SGCZ: variants seen among roughly 807,000 people sequenced by gnomAD.
SGCZ encodes the protein sarcoglycan zeta, also known as zeta-sarcoglycan.
A neutral mutation model predicts 41.3 loss-of-function variants in SGCZ; 40 were observed. The ratio of observed to expected loss-of-function variants is 0.97; its 90% confidence interval spans 0.75 to 1.26. SGCZ has a LOEUF of 1.26. Among genes scored for constraint, SGCZ ranks in the 50% most tolerant of loss-of-function variants. The pLI, the probability that SGCZ is intolerant of heterozygous loss-of-function variation, is 0.00. For missense variants in SGCZ, 552 were observed against 369.8 expected (o/e 1.49, Z -4.04); for synonymous variants, 206 against 137.5 (o/e 1.50, Z -3.49).
intron 1 of SGCZ, among the ~76,000 whole-genome samples, chr8:15,152,304 A>C (rs9643996): frequency 6.6e-6 from 1 of 152,090 alleles, no homozygotes; most frequent in Non-Finnish European, 1.5e-5. Context: ...AAAAATATGT[A>C]AAAACAAGGA....
At chr8:14,702,232 T>C (rs1490610752) in intron 1 of SGCZ, among the ~76,000 whole-genome samples, 1 of 152,008 alleles carries the variant, frequency 6.6e-6, no homozygotes, top group African/African-American at 2.4e-5. Flanking sequence ...GATTTCCACT[T>C]GGAAATCTCT....
intron 1 of SGCZ, among the ~76,000 whole-genome samples, chr8:14,880,641 A>C (rs1349069812): frequency 6.6e-6 from 1 of 152,184 alleles, no homozygotes; most frequent in Admixed American, 6.5e-5. Context: ...CGATGAGTTC[A>C]TGTCGATTGT....
intron 1 of SGCZ, among the ~76,000 whole-genome samples, chr8:15,189,507 G>A (rs981872865): frequency 2.0e-5 from 3 of 151,912 alleles, no homozygotes; most frequent in Non-Finnish European, 2.9e-5. Context: ...TTCTCATCAC[G>A]CTCAAGGGAC....
intron 3 of SGCZ, chr8:14,309,230 G>T (rs1163376943): frequency 2.0e-6 from 3 of 1,514,420 alleles, no homozygotes; most frequent in Non-Finnish European, 2.7e-6. Flanking sequence ...TACTGTTGAA[G>T]ACTTCTGGGC....
At chr8:15,087,293 A>G (rs892393616) in intron 1 of SGCZ, among the ~76,000 whole-genome samples, 7 of 152,180 alleles carry the variant, frequency 4.6e-5, no homozygotes, top group East Asian at 1.9e-4. Context: ...GAACATTTCA[A>G]TCTGATGTTG....
chr8:14,537,746 G>C (rs1303447457), intron 2 of SGCZ, among the ~76,000 whole-genome samples: 1 of 151,760 alleles, frequency 6.6e-6, no homozygotes, highest in Admixed American at 6.6e-5. Context: ...CCTCATGTAA[G>C]GTTTGTACAG....
At chr8:15,000,900 C>G (rs1802394530) in intron 1 of SGCZ, among the ~76,000 whole-genome samples, 1 of 152,220 alleles carries the variant, frequency 6.6e-6, no homozygotes. Flanking sequence ...CACCCCTTAA[C>G]CCACCCACAT....
chr8:14,927,320 A>G lies in SGCZ; in HGVS notation c.39+310265T>C, dbSNP rs570708200. On this transcript the variant is annotated intron_variant, in intron 1 of 7. Coordinates refer to ENST00000382080, the MANE Select transcript of SGCZ (RefSeq NM_139167.4). ...GAGATGGGGTTTCACAGTGTTAGCC[A>G]GGATGGTGTCGATTTCCTGTCCTTG... is the stretch of plus-strand genomic sequence containing the variant. Among the ~76,000 whole-genome samples the G allele has an allele frequency of 1.5e-4, 23 of 151,966 alleles. No individual in the cohort carries two copies. In the South Asian group the frequency reaches 4.8e-3, roughly 32 times the overall value.
Position 14,523,510 on chromosome 8 carries a change from G to T in SGCZ, c.234+31222C>A, listed in dbSNP as rs557386703. On this transcript the variant is annotated intron_variant, in intron 2 of 7. Transcript: ENST00000382080. The stretch of plus-strand genomic sequence containing the variant: ...TATACCACTTTCTCCTGGTCGTGAC[G>T]GTTTCTGGTGAGAAATCTGTCATTC... Among the ~76,000 whole-genome samples, 3 of 152,054 alleles carry T rather than the reference G, an allele frequency of 2.0e-5. No homozygotes were observed. The South Asian group carries it at 6.2e-4, about 32-fold the overall frequency.
At chr8:14,467,463 C>T (rs1179701563) in intron 2 of SGCZ, among the ~76,000 whole-genome samples, 1 of 151,950 alleles carries the variant, frequency 6.6e-6, no homozygotes, top group African/African-American at 2.4e-5. Context: ...ATCCTTTTTG[C>T]CACTCTGGTT....
chr8:14,164,645 C>T lies in SGCZ; in HGVS notation c.482G>A (p.Gly161Asp), dbSNP rs767192685. Residue 161 changes from glycine (G) to aspartate (D), a missense_variant, in exon 5 of 8, where the codon GGC becomes GAC. Gly to Asp is a moderately conservative substitution (Grantham distance 94). Transcript: ENST00000382080. ...KRFEVRASED[G>D]RVLFSADEDE... is the part of the protein sequence containing the mutation. ...TTCATCTGCAGAAAACAGCACCCTG[C>T]CATCTTCACTGGCTCTCACTTCAAA... 6.2e-7 allele frequency: 1 copy of T among 1,613,506 alleles called. No homozygotes were observed. The highest frequency in any genetic ancestry group is 8.5e-7 in the Non-Finnish European group (1 of 1,179,724).
chr8:14,146,220 C>G (rs1196846603), intron 5 of SGCZ, among the ~76,000 whole-genome samples: 1 of 152,134 alleles, frequency 6.6e-6, no homozygotes, highest in Non-Finnish European at 1.5e-5. Context: ...ACAAAAAGAG[C>G]TCCAACAGGT....
At chr8:14,262,236 C>T (rs1488265658) in intron 3 of SGCZ, among the ~76,000 whole-genome samples, 2 of 152,074 alleles carry the variant, frequency 1.3e-5, no homozygotes, top group Admixed American at 6.5e-5. Flanking sequence ...AAGCAAGGAC[C>T]TTACTGATAA....
intron 5 of SGCZ, among the ~76,000 whole-genome samples, chr8:14,160,378 T>G (rs1280724804): frequency 6.6e-6 from 1 of 152,178 alleles, no homozygotes; most frequent in African/African-American, 2.4e-5. Flanking sequence ...TTTAAGAGAC[T>G]TCCGTGTGTA....
chr8:14,152,932 G>A (rs1230576398), intron 5 of SGCZ, among the ~76,000 whole-genome samples: 3 of 152,112 alleles, frequency 2.0e-5, no homozygotes, highest in Admixed American at 6.6e-5. Context: ...GGAAAGGTAA[G>A]TAAATACCAT....
chr8:14,795,424 T>TG (rs1207763335), intron 1 of SGCZ, among the ~76,000 whole-genome samples: 1 of 127,564 alleles, frequency 7.8e-6, no homozygotes, highest in African/African-American at 2.5e-5. Flanking sequence ...ATTCATACTT[T>TG]GGGGTTTTTT....
chr8:14,688,479 A>C (rs1371800355), intron 1 of SGCZ, among the ~76,000 whole-genome samples: 1 of 152,040 alleles, frequency 6.6e-6, no homozygotes, highest in Admixed American at 6.6e-5. Flanking sequence ...TGTTTTTCTC[A>C]GGTTTGTCAA....
At chr8:14,673,829 T>G (rs58191109) in intron 1 of SGCZ, among the ~76,000 whole-genome samples, 6,457 of 152,214 alleles carry the variant, frequency 0.042, 468 homozygotes, top group African/African-American at 0.15. Context: ...GGCCCTAAAA[T>G]TAATGCAAAA....
chr8:14,269,888 G>C (rs1460584688), intron 3 of SGCZ, among the ~76,000 whole-genome samples: 1 of 152,026 alleles, frequency 6.6e-6, no homozygotes. Context: ...ATGTTTATTT[G>C]TTATGTAAAT....
Sources: allele counts gnomAD v4.1 joint callset (sites outside exome capture counted in the v4.1 genomes callset), GRCh38; gene constraint gnomAD v4.1.1; transcripts MANE v1.5; gene names NCBI Gene and HGNC (gene_info 2026-07-23, HGNC 2026-07-21).